NELL2: variants seen among roughly 807,000 people sequenced by gnomAD.
The protein encoded by NELL2 is neural EGFL like 2.
Under a neutral mutation model 109.6 loss-of-function variants are expected in NELL2, and 41 were observed. That is an observed-to-expected ratio of 0.37 (90% CI 0.29 to 0.49). NELL2 has a LOEUF of 0.49. Among genes scored for constraint, NELL2 ranks in the 20% least tolerant of loss-of-function variants. The pLI is 0.98. For missense variants in NELL2, 900 were observed against 1,008.3 expected, an observed-to-expected ratio of 0.89 and a Z score of 1.45; for synonymous variants, 355 against 344.7, an observed-to-expected ratio of 1.03 and a Z score of -0.33.
chr12:44,746,011 C>G (rs985040899), intron 9 of NELL2, among the ~76,000 whole-genome samples: 6 of 152,130 alleles, frequency 3.9e-5, no homozygotes, highest in Non-Finnish European at 5.9e-5. Flanking sequence ...GCCAAAAGAA[C>G]AAAGCTGGAG....
At chr12:44,795,738 G>A (rs1457785272) in intron 3 of NELL2, among the ~76,000 whole-genome samples, 1 of 152,096 alleles carries the variant, frequency 6.6e-6, no homozygotes, top group Admixed American at 6.6e-5. Flanking sequence ...AATATAAAGA[G>A]TGAACTACAG....
chr12:44,850,824 T>G (rs945831006), intron 2 of NELL2, among the ~76,000 whole-genome samples: 3 of 152,168 alleles, frequency 2.0e-5, no homozygotes, highest in Admixed American at 2.0e-4. Context: ...AGGGACTGCA[T>G]AAACCCTTGG....
intron 13 of NELL2, among the ~76,000 whole-genome samples, chr12:44,642,667 A>C (rs1946906022): frequency 6.6e-6 from 1 of 152,188 alleles, no homozygotes; most frequent in Admixed American, 6.5e-5. Flanking sequence ...GGATCACCTA[A>C]GGTCAGGAGT....
chr12:44,733,604 A>G (rs1333139261), intron 9 of NELL2, among the ~76,000 whole-genome samples: 2 of 152,036 alleles, frequency 1.3e-5, no homozygotes, highest in African/African-American at 4.8e-5. Flanking sequence ...AGTTTCAGTC[A>G]TGAAAGATGA....
intron 13 of NELL2, among the ~76,000 whole-genome samples, chr12:44,661,474 G>T (rs1947741266): frequency 6.6e-6 from 1 of 152,142 alleles, no homozygotes; most frequent in East Asian, 1.9e-4. Flanking sequence ...AATCAGTGAG[G>T]TTGTTGCAGA....
intron 11 of NELL2, among the ~76,000 whole-genome samples, chr12:44,709,301 G>T (rs2136431388): frequency 6.6e-6 from 1 of 152,206 alleles, no homozygotes; most frequent in South Asian, 2.1e-4. Flanking sequence ...TTGAAGGCCT[G>T]AGTCACCACT....
intron 15 of NELL2, among the ~76,000 whole-genome samples, chr12:44,579,581 C>T (rs938948245): frequency 6.6e-6 from 1 of 152,166 alleles, no homozygotes; most frequent in Non-Finnish European, 1.5e-5. Context: ...TTTCATATGG[C>T]TTACCACATA....
chr12:44,799,721 G>A (rs116449805), intron 3 of NELL2, among the ~76,000 whole-genome samples: 2,194 of 152,194 alleles, frequency 0.014, 52 homozygotes, highest in African/African-American at 0.05. Context: ...TGTAGGGGGG[G>A]TGATGTATTT....
chr12:44,540,098 A>G (rs1256189832), intron 15 of NELL2, among the ~76,000 whole-genome samples: 1 of 152,328 alleles, frequency 6.6e-6, no homozygotes, highest in East Asian at 1.9e-4. Flanking sequence ...TTAATTTTAC[A>G]CACTTTTATA....
chr12:44,617,172 C>G (rs1417205817), intron 13 of NELL2, among the ~76,000 whole-genome samples: 2 of 152,042 alleles, frequency 1.3e-5, no homozygotes, highest in Non-Finnish European at 2.9e-5. Context: ...CCTTGATCAA[C>G]TATGCTGTAG....
intron 15 of NELL2, among the ~76,000 whole-genome samples, chr12:44,547,017 T>C (rs1942824002): frequency 1.3e-5 from 2 of 152,296 alleles, no homozygotes; most frequent in Non-Finnish European, 1.5e-5. Flanking sequence ...CAAACCTTTT[T>C]TTTAAAAGAT....
intron 15 of NELL2, among the ~76,000 whole-genome samples, chr12:44,562,694 T>C (rs374326655): frequency 6.6e-6 from 1 of 152,132 alleles, no homozygotes; most frequent in East Asian, 1.9e-4. Flanking sequence ...TGTGGAGAAA[T>C]AGAAATGCTT....
chr12:44,824,395 G>C (rs1431461138), intron 2 of NELL2, among the ~76,000 whole-genome samples: 4 of 152,122 alleles, frequency 2.6e-5, no homozygotes, highest in Non-Finnish European at 5.9e-5. Context: ...TTACAGTTAA[G>C]TCTTTAATCC....
chr12:44,571,054 T>C (rs906272146), intron 15 of NELL2, among the ~76,000 whole-genome samples: 25 of 152,132 alleles, frequency 1.6e-4, no homozygotes, highest in African/African-American at 5.8e-4. Flanking sequence ...GCACAGCACA[T>C]ACTTTATATA....
chr12:44,743,062 T>G (rs1940094631), intron 9 of NELL2, among the ~76,000 whole-genome samples: 1 of 152,034 alleles, frequency 6.6e-6, no homozygotes, highest in Non-Finnish European at 1.5e-5. Context: ...AAAGGTTGGG[T>G]TACCCTCAAA....
rs1053638312 is a variant in NELL2 at position 44,703,647 on chromosome 12, C to G, written c.1318+79G>C. 3.1e-5 allele frequency: 46 copies of G among 1,491,742 alleles called. No individual in the cohort carries two copies. The African/African-American group carries it at 4.6e-4, about 15-fold the overall frequency. 92.4% of individuals were successfully genotyped at this position (1,491,742 alleles called of 1,614,324 possible). On this transcript the variant is annotated intron_variant, in intron 12 of 19. Transcript: ENST00000429094. Reference sequence around the variant, plus strand: ...TTTAATGGGCCCATCAACTTGACAACCTGGGAACTTAATAAATTTTGCATG... The same window carrying G: ...TTTAATGGGCCCATCAACTTGACAAGCTGGGAACTTAATAAATTTTGCATG...
chr12:44,684,519 AT>A (rs772390224), intron 12 of NELL2, among the ~76,000 whole-genome samples: 12 of 151,924 alleles, frequency 7.9e-5, no homozygotes, highest in Non-Finnish European at 1.5e-4. Flanking sequence ...TAGGGTGCCA[AT>A]TTTGGATCTT....
At chr12:44,578,490 G>C (rs998297474) in intron 15 of NELL2, among the ~76,000 whole-genome samples, 2 of 152,078 alleles carry the variant, frequency 1.3e-5, no homozygotes, top group African/African-American at 4.8e-5. Flanking sequence ...AAAATGCCTT[G>C]AAAGCAATGA....
intron 10 of NELL2, 75 bp from the exon 11 acceptor site, chr12:44,711,469 T>G (rs1294180080): frequency 2.4e-6 from 3 of 1,269,300 alleles, no homozygotes; most frequent in Non-Finnish European, 3.4e-6. Context: ...ATCCAGCATC[T>G]GAGAAGACTC....
Sources: allele counts gnomAD v4.1 joint callset (sites outside exome capture counted in the v4.1 genomes callset), GRCh38; gene constraint gnomAD v4.1.1; transcripts MANE v1.5; gene names NCBI Gene and HGNC (gene_info 2026-07-23, HGNC 2026-07-21).